The following MEI4 variants were observed in gnomAD, a reference collection of about 807,000 sequenced individuals.
MEI4 encodes meiosis-specific protein MEI4.
A neutral mutation model predicts 31.4 loss-of-function variants in MEI4; 27 were observed. That is an observed-to-expected ratio of 0.86 (90% confidence interval 0.63 to 1.19). The LOEUF is 1.19. Among genes scored for constraint, MEI4 ranks in the 50% most tolerant of loss-of-function variants. MEI4 has a pLI of 0.00. For synonymous variants in MEI4, 122 were observed against 145.4 expected, an observed-to-expected ratio of 0.84 and a Z score of 1.16; for missense variants, 329 against 398.9, an observed-to-expected ratio of 0.82 and a Z score of 1.49.
Position 77,765,545 on chromosome 6 carries a change from T to G in MEI4, c.768+3880T>G, listed in dbSNP as rs1437356642. On this transcript the variant is annotated intron_variant, in intron 3 of 4. Transcript: ENST00000684080. ...CTGGTCATTTAGCATTAGGTATATCTCCTAATGCTATCCCTCTCCCCTCCC... is the reference window on the plus strand; with the variant it reads ...CTGGTCATTTAGCATTAGGTATATCGCCTAATGCTATCCCTCTCCCCTCCC... Among the ~76,000 whole-genome samples, 4 of 150,914 alleles carry G rather than the reference T, an allele frequency of 2.7e-5. No individual in the cohort carries two copies. In the East Asian group the frequency reaches 7.8e-4, roughly 30 times the overall value.
chr6:77,868,502 C>CATATATATATATATATATACATAT (rs1771109407), intron 4 of MEI4, among the ~76,000 whole-genome samples: 1 of 90,066 alleles, frequency 1.1e-5, no homozygotes, highest in Non-Finnish European at 2.3e-5. Flanking sequence ...AAAAATACTA[C>CATATATATATATATATATACATAT]ATATATATAT....
At chr6:77,882,011 C>T (rs533556761) in intron 4 of MEI4, among the ~76,000 whole-genome samples, 2 of 152,298 alleles carry the variant, frequency 1.3e-5, no homozygotes, top group East Asian at 1.9e-4. Context: ...ACTTCAGATG[C>T]CAACTGTAAG....
intron 2 of MEI4, among the ~76,000 whole-genome samples, chr6:77,699,189 CTTTTTTT>C (rs70974682): frequency 2.6e-5 from 3 of 113,832 alleles, no homozygotes; most frequent in Admixed American, 2.1e-4. Context: ...TTCAAAGTTT[CTTTTTTT>C]TTTTTTTTTT....
chr6:77,765,819 A>G (rs574976692), intron 3 of MEI4, among the ~76,000 whole-genome samples: 2 of 149,552 alleles, frequency 1.3e-5, no homozygotes, highest in Non-Finnish European at 2.9e-5. Context: ...TGGATTAAGA[A>G]AATGTGGCAC....
At chr6:77,844,363 T>C (rs1277822227) in intron 4 of MEI4, among the ~76,000 whole-genome samples, 3 of 152,130 alleles carry the variant, frequency 2.0e-5, no homozygotes, top group Non-Finnish European at 4.4e-5. Flanking sequence ...AATCTCTCCA[T>C]CTACATTGGA....
chr6:77,824,030 AT>A (rs1288030226), intron 3 of MEI4, among the ~76,000 whole-genome samples: 4 of 152,206 alleles, frequency 2.6e-5, no homozygotes, highest in African/African-American at 9.7e-5. Context: ...CAAAATTTCT[AT>A]GCCTTAAGAG....
chr6:77,897,003 G>A (rs778431580), intron 4 of MEI4, among the ~76,000 whole-genome samples: 1 of 151,870 alleles, frequency 6.6e-6, no homozygotes, highest in East Asian at 1.9e-4. Context: ...CCTATGCTGT[G>A]GTTTAAATTT....
At chr6:77,726,938 A>G (rs1766841384) in intron 2 of MEI4, among the ~76,000 whole-genome samples, 1 of 152,230 alleles carries the variant, frequency 6.6e-6, no homozygotes, top group Non-Finnish European at 1.5e-5. Flanking sequence ...GTTTTATCCA[A>G]CAATGATGTA....
chr6:77,666,016 A>G (rs1176609746), intron 1 of MEI4, among the ~76,000 whole-genome samples: 1 of 152,180 alleles, frequency 6.6e-6, no homozygotes, highest in African/African-American at 2.4e-5. Context: ...GTGTCCATGT[A>G]AAGAGACCAC....
chr6:77,663,717 A>G (rs562032804), intron 1 of MEI4, among the ~76,000 whole-genome samples: 37 of 152,260 alleles, frequency 2.4e-4, no homozygotes, highest in Admixed American at 2.2e-3. Flanking sequence ...CTCCGTATTG[A>G]TTAAGAAGGG....
chr6:77,904,658 T>C (rs1766253624), intron 4 of MEI4, among the ~76,000 whole-genome samples: 2 of 152,164 alleles, frequency 1.3e-5, no homozygotes, highest in South Asian at 2.1e-4. Context: ...TTTTTATGAC[T>C]GCAGAATATT....
intron 4 of MEI4, among the ~76,000 whole-genome samples, chr6:77,918,629 A>C (rs1467544429): frequency 6.6e-6 from 1 of 151,694 alleles, no homozygotes; most frequent in Non-Finnish European, 1.5e-5. Context: ...GTATCCTGAG[A>C]CTTTGCTGAA....
chr6:77,863,917 G>A (rs1307939023), intron 4 of MEI4, among the ~76,000 whole-genome samples: 2 of 152,162 alleles, frequency 1.3e-5, no homozygotes, highest in African/African-American at 4.8e-5. Context: ...GAGAGTGGGG[G>A]CCAATATTCA....
chr6:77,882,320 G>A (rs746499907), intron 4 of MEI4, among the ~76,000 whole-genome samples: 1 of 152,150 alleles, frequency 6.6e-6, no homozygotes, highest in African/African-American at 2.4e-5. Context: ...AAATAGCCAT[G>A]ATTGATTGAA....
intron 3 of MEI4, among the ~76,000 whole-genome samples, chr6:77,790,868 G>A (rs900603650): frequency 2.8e-4 from 43 of 152,158 alleles, no homozygotes; most frequent in South Asian, 4.1e-4. Context: ...AAAAGTGGGC[G>A]AAGGACAAGA....
intron 3 of MEI4, among the ~76,000 whole-genome samples, chr6:77,772,522 A>G (rs937473016): frequency 3.9e-5 from 6 of 152,024 alleles, no homozygotes; most frequent in East Asian, 1.9e-4. Flanking sequence ...GTATCCCTCC[A>G]GGATTAAAAC....
intron 1 of MEI4, among the ~76,000 whole-genome samples, chr6:77,682,553 C>T (rs1398536535): frequency 1.3e-5 from 2 of 152,140 alleles, no homozygotes; most frequent in African/African-American, 2.4e-5. Context: ...AAGTTCCCTT[C>T]AGAACCTATT....
intron 2 of MEI4, among the ~76,000 whole-genome samples, chr6:77,731,891 T>G (rs999523905): frequency 1.6e-4 from 24 of 152,038 alleles, no homozygotes; most frequent in Admixed American, 3.3e-4. Context: ...GGGAATCCTT[T>G]CCCCAATGCT....
At chr6:77,777,041 G>T (rs995001117) in intron 3 of MEI4, among the ~76,000 whole-genome samples, 1 of 152,100 alleles carries the variant, frequency 6.6e-6, no homozygotes, top group Non-Finnish European at 1.5e-5. Flanking sequence ...TATATACTGG[G>T]GGTAAAGTAT....
Sources: gnomAD v4.1 joint callset for allele counts (sites outside exome capture counted in the v4.1 genomes callset) on GRCh38, gnomAD v4.1.1 for gene constraint, MANE v1.5 for transcripts, NCBI Gene and HGNC (gene_info 2026-07-23, HGNC 2026-07-21) for gene names.